The following CDC14A variants were observed in gnomAD, a reference collection of about 807,000 sequenced individuals.
CDC14A encodes cell division cycle 14A.
A neutral mutation model predicts 74.4 loss-of-function variants in CDC14A; 53 were observed. That is an observed-to-expected ratio of 0.71 (90% confidence interval 0.57 to 0.89). The LOEUF (loss-of-function observed/expected upper bound fraction) is 0.89. CDC14A is among the 40% of genes least tolerant of loss of function. CDC14A has a pLI of 0.00. For synonymous variants in CDC14A, 247 were observed against 258.4 expected (o/e 0.96, Z 0.43); for missense variants, 646 against 713.7 (o/e 0.91, Z 1.08).
At chr1:100,347,854 A>G (rs79836725), upstream of CDC14A, among the ~76,000 whole-genome samples, 810 of 152,328 alleles carry the variant, frequency 5.3e-3, 7 homozygotes, top group African/African-American at 0.019. Flanking sequence ...TGAACAAACA[A>G]CTAAAAGAGT....
intron 10 of CDC14A, among the ~76,000 whole-genome samples, chr1:100,471,996 T>C (rs1223022562): frequency 6.6e-6 from 1 of 152,150 alleles, no homozygotes; most frequent in Non-Finnish European, 1.5e-5. Flanking sequence ...TGTAAAATTC[T>C]CTTCATCAAA....
intron 7 of CDC14A, among the ~76,000 whole-genome samples, chr1:100,445,272 A>G (rs1199857596): frequency 6.6e-6 from 1 of 152,174 alleles, no homozygotes; most frequent in Non-Finnish European, 1.5e-5. Flanking sequence ...GAGGTGACTT[A>G]CTTTGAAGCT....
At chr1:100,454,016 A>G (rs1004479401) in intron 7 of CDC14A, among the ~76,000 whole-genome samples, 6 of 152,234 alleles carry the variant, frequency 3.9e-5, no homozygotes. Context: ...AGTTTCACAT[A>G]TAACTTTTTA....
At chr1:100,427,786 C>G (rs1663130190) in intron 5 of CDC14A, among the ~76,000 whole-genome samples, 1 of 152,082 alleles carries the variant, frequency 6.6e-6, no homozygotes, top group South Asian at 2.1e-4. Context: ...CAGGAGAGCT[C>G]AGTGTATAGT....
intron 4 of CDC14A, among the ~76,000 whole-genome samples, chr1:100,403,142 CT>C (rs58710320): frequency 0.13 from 19,247 of 152,096 alleles, 1,435 homozygotes; most frequent in Non-Finnish European, 0.16. Context: ...GTTTTCCAAG[CT>C]TTATTCACTG....
chr1:100,502,633 C>T (rs1432320022), intron 15 of CDC14A, among the ~76,000 whole-genome samples: 1 of 152,198 alleles, frequency 6.6e-6, no homozygotes, highest in Non-Finnish European at 1.5e-5. Context: ...ATTGTGTAAT[C>T]CACATTTATA....
In CDC14A at chr1:100,498,221, C is replaced by T; in HGVS notation, c.1421+14C>T. On this transcript the variant is annotated intron_variant, in intron 14 of 15. Transcript: ENST00000336454. ...CACTGTAAGAAGGTAATTTTTCTCT[C>T]CCTCTTCTAAGGTGCTGGTTTGAGG... 6.2e-7 allele frequency: 1 copy of T among 1,612,128 alleles called. No homozygotes were observed. The highest frequency in any genetic ancestry group is 8.5e-7 in the Non-Finnish European group (1 of 1,179,066).
At chr1:100,437,376 T>C (rs111400895) in intron 5 of CDC14A, among the ~76,000 whole-genome samples, 2 of 152,154 alleles carry the variant, frequency 1.3e-5, no homozygotes, top group African/African-American at 4.8e-5. Context: ...GTCCAGTCTT[T>C]GGGACAGATT....
chr1:100,420,652 T>A (rs1036223825), intron 4 of CDC14A, among the ~76,000 whole-genome samples: 2 of 152,196 alleles, frequency 1.3e-5, no homozygotes, highest in African/African-American at 4.8e-5. Context: ...TAAAACATTT[T>A]ACATCAAATT....
At chr1:100,466,337 A>G (rs1208850658) in intron 9 of CDC14A, among the ~76,000 whole-genome samples, 1 of 152,200 alleles carries the variant, frequency 6.6e-6, no homozygotes, top group Non-Finnish European at 1.5e-5. Flanking sequence ...TGTTTTATCT[A>G]TACGGTTGCC....
chr1:100,347,817 C>T (rs114811311), upstream of CDC14A, among the ~76,000 whole-genome samples: 1,066 of 152,180 alleles, frequency 7.0e-3, 10 homozygotes, highest in African/African-American at 0.022. Context: ...ATTTTCTTTA[C>T]GTTCTTTGGT....
At chr1:100,408,417 C>T (rs1660231898) in intron 4 of CDC14A, among the ~76,000 whole-genome samples, 2 of 151,998 alleles carry the variant, frequency 1.3e-5, no homozygotes, top group Admixed American at 1.3e-4. Flanking sequence ...ATTTATATTC[C>T]TTTAGGTATA....
At position 100,358,202 on chromosome 1, in the gene CDC14A, TATCTGC is replaced by T. The variant is rs1164434866; in HGVS notation, c.140+4353_140+4358del. Among the ~76,000 whole-genome samples the T allele has an allele frequency of 1.1e-4, 17 of 152,312 alleles. No individual in the cohort carries two copies. The East Asian group carries it at 3.1e-3, about 28-fold the overall frequency. ...AAAAGGGAGCCTTTCAAAGAAGATT[TATCTGC>T]ATTTGATTAAGCTACAAATAACACA... On this transcript the variant is annotated intron_variant, in intron 2 of 15. Coordinates refer to ENST00000336454, the MANE Select transcript of CDC14A (RefSeq NM_003672.4).
chr1:100,384,293 C>A (rs1656547854), intron 3 of CDC14A, among the ~76,000 whole-genome samples: 1 of 152,096 alleles, frequency 6.6e-6, no homozygotes, highest in African/African-American at 2.4e-5. Context: ...AACTTTGACT[C>A]TCAGGTAAGC....
rs1223246028 is a variant in CDC14A at position 100,424,256 on chromosome 1, A to G, written c.344A>G (p.Tyr115Cys). ...IYLKKTPEEAYRALLSGSNPP... is the reference protein window; with the variant it reads ...IYLKKTPEEACRALLSGSNPP... Reference sequence around the variant, plus strand: ...TTAAAGAAGACACCAGAAGAAGCCTACAGAGCACTCCTGTCTGGCTCAAAC... The same window carrying G: ...TTAAAGAAGACACCAGAAGAAGCCTGCAGAGCACTCCTGTCTGGCTCAAAC... The change falls in exon 5 of 16, where the codon TAC becomes TGC. Residue 115 changes from tyrosine (Y) to cysteine (C), a missense_variant. Transcript: ENST00000336454. 1.2e-6 allele frequency: 2 copies of G among 1,613,400 alleles called. No homozygotes were observed. Among genetic ancestry groups the G allele is most frequent in the Non-Finnish European group, 8.5e-7 (1 of 1,179,488 alleles).
chr1:100,440,000 T>C lies in CDC14A; in HGVS notation c.456+2T>C. 6.2e-7 allele frequency: 1 copy of C among 1,607,502 alleles called. No homozygotes were observed. Among genetic ancestry groups the C allele is most frequent in the Non-Finnish European group, 8.5e-7 (1 of 1,174,082 alleles). On this transcript the variant is annotated splice_donor_variant, in intron 6 of 15. Coordinates refer to ENST00000336454, the MANE Select transcript of CDC14A (RefSeq NM_003672.4). LOFTEE classifies it high-confidence loss of function. The stretch of plus-strand genomic sequence containing the variant: ...GACTGTTTGCAGGGAATCAGAAAGG[T>C]AATAACAATTCTCCTTGCTGTAGTT...
intron 2 of CDC14A, among the ~76,000 whole-genome samples, chr1:100,376,181 T>C (rs1655235397): frequency 6.6e-6 from 1 of 152,004 alleles, no homozygotes; most frequent in Non-Finnish European, 1.5e-5. Flanking sequence ...AGGGATAGCA[T>C]TGGGAGCTAT....
chr1:100,502,321 T>C (rs1648818522), intron 15 of CDC14A, among the ~76,000 whole-genome samples: 1 of 152,242 alleles, frequency 6.6e-6, no homozygotes, highest in African/African-American at 2.4e-5. Flanking sequence ...AAGTCTTTTA[T>C]ACCATATTTT....
At chr1:100,445,393 A>T (rs1173372196) in intron 7 of CDC14A, among the ~76,000 whole-genome samples, 1 of 152,110 alleles carries the variant, frequency 6.6e-6, no homozygotes, top group East Asian at 1.9e-4. Context: ...TGGACCCTCA[A>T]ATTAGGTGAG....
Sources: allele counts gnomAD v4.1 joint callset (sites outside exome capture counted in the v4.1 genomes callset), GRCh38; gene constraint gnomAD v4.1.1; transcripts MANE v1.5; gene names NCBI Gene and HGNC (gene_info 2026-07-23, HGNC 2026-07-21).